The following CNTNAP4 variants were observed in gnomAD, a reference collection of about 807,000 sequenced individuals.
CNTNAP4 encodes contactin-associated protein-like 4.
Under a neutral mutation model 148.4 loss-of-function variants are expected in CNTNAP4, and 98 were observed. The observed-to-expected ratio is 0.66, with a 90% CI of 0.56 to 0.78. CNTNAP4 has a LOEUF of 0.78. CNTNAP4 is among the 30% of genes least tolerant of loss of function. CNTNAP4 has a pLI of 0.00. For synonymous variants in CNTNAP4, 730 were observed against 565.1 expected, an observed-to-expected ratio of 1.29 and a Z score of -4.14; for missense variants, 1,935 against 1,565.6, an observed-to-expected ratio of 1.24 and a Z score of -3.98.
At chr16:76,457,707 C>A (rs2080787398) in intron 8 of CNTNAP4, among the ~76,000 whole-genome samples, 1 of 152,122 alleles carries the variant, frequency 6.6e-6, no homozygotes, top group Non-Finnish European at 1.5e-5. Flanking sequence ...AGATTAAACT[C>A]CTAGAAACTG....
chr16:76,340,253 T>G (rs941917714), intron 2 of CNTNAP4, among the ~76,000 whole-genome samples: 1 of 152,104 alleles, frequency 6.6e-6, no homozygotes, highest in Non-Finnish European at 1.5e-5. Context: ...AGCAGGAACA[T>G]AGCTGCCCAA....
chr16:76,494,791 A>G, intron 13 of CNTNAP4, 119 bp from the exon 14 acceptor site: 3 of 1,099,048 alleles, frequency 2.7e-6, no homozygotes, highest in Non-Finnish European at 3.9e-6. Context: ...AAATCCAATC[A>G]ATCTTTCTCC....
chr16:76,417,960 T>C (rs114623435), intron 3 of CNTNAP4, among the ~76,000 whole-genome samples: 3,953 of 151,886 alleles, frequency 0.026, 77 homozygotes, highest in Non-Finnish European at 0.036. Context: ...AAAAGTCCAA[T>C]GTAAGTTTTA....
chr16:76,291,724 TAAATA>T (rs1242561928), intron 1 of CNTNAP4, among the ~76,000 whole-genome samples: 1 of 152,178 alleles, frequency 6.6e-6, no homozygotes, highest in African/African-American at 2.4e-5. Context: ...AAATAAAACA[TAAATA>T]AAGCAAACAA....
At chr16:76,510,797 C>A (rs1170838481) in intron 15 of CNTNAP4, among the ~76,000 whole-genome samples, 3 of 152,134 alleles carry the variant, frequency 2.0e-5, no homozygotes, top group Non-Finnish European at 2.9e-5. Context: ...TGCCTTAACA[C>A]TTCAGAAGTA....
chr16:76,366,008 T>C (rs576659915), intron 3 of CNTNAP4, among the ~76,000 whole-genome samples: 18 of 152,192 alleles, frequency 1.2e-4, no homozygotes, highest in Non-Finnish European at 2.4e-4. Flanking sequence ...ATTCTGAAGC[T>C]ACTCTTGTTG....
intron 3 of CNTNAP4, among the ~76,000 whole-genome samples, chr16:76,367,100 A>G (rs1194625730): frequency 1.3e-5 from 2 of 151,946 alleles, no homozygotes. Context: ...AAAATATGGT[A>G]TAAGAACACA....
rs149725945 is a variant in CNTNAP4, at chr16:76,327,992, C to T, written c.196+11469C>T. ...TCAATGTGAGTGATCAAACTTTTGCCTCAAAGTCATGCTTCTCATCACCCA... is the reference window on the plus strand; with the variant it reads ...TCAATGTGAGTGATCAAACTTTTGCTTCAAAGTCATGCTTCTCATCACCCA... On this transcript the variant is annotated intron_variant, in intron 2 of 23. Coordinates refer to ENST00000611870, the MANE Select transcript of CNTNAP4 (RefSeq NM_033401.5). 4.5e-3 allele frequency among the ~76,000 whole-genome samples: 691 copies of T among 152,252 alleles called. 3 individuals are homozygous for T. Among genetic ancestry groups the T allele is most frequent in the African/African-American group, 0.016 (667 of 41,534 alleles).
At chr16:76,521,070 GT>G in intron 15 of CNTNAP4, 69 bp from the exon 16 acceptor site, 4 of 1,358,318 alleles carry the variant, frequency 2.9e-6, no homozygotes, top group Non-Finnish European at 3.1e-6. Context: ...ACATGTAATT[GT>G]CATTCATTTT....
chr16:76,484,119 G>A (rs576264731), intron 12 of CNTNAP4, among the ~76,000 whole-genome samples: 21 of 150,762 alleles, frequency 1.4e-4, no homozygotes, highest in African/African-American at 5.1e-4. Flanking sequence ...AATTATTTGG[G>A]GAAAAAATTG....
At chr16:76,451,735 G>A (rs2080489381) in intron 7 of CNTNAP4, among the ~76,000 whole-genome samples, 2 of 151,606 alleles carry the variant, frequency 1.3e-5, no homozygotes, top group African/African-American at 4.8e-5. Context: ...CTATCCAAAT[G>A]ATGCATAAGA....
rs553819016 is a variant in CNTNAP4 at position 76,507,001 on chromosome 16, G to A, written c.2365+8307G>A. Among the ~76,000 whole-genome samples the A allele has an allele frequency of 6.5e-3, 636 of 97,260 alleles. 105 individuals carry two copies. Among genetic ancestry groups the A allele is most frequent in the African/African-American group, 0.015 (601 of 39,002 alleles). The allele number at this position is 97,260 out of a possible 152,430, so 63.8% of individuals were successfully genotyped here. ...ACATAATAGTAATAAAAAATGGACT[G>A]GAGATAGTATTTTGTATACCTTTGC... On this transcript the variant is annotated intron_variant, in intron 15 of 23. Coordinates refer to ENST00000611870, the MANE Select transcript of CNTNAP4 (RefSeq NM_033401.5).
At chr16:76,501,153 C>T (rs1290610830) in intron 15 of CNTNAP4, among the ~76,000 whole-genome samples, 2 of 152,212 alleles carry the variant, frequency 1.3e-5, no homozygotes, top group Admixed American at 6.5e-5. Flanking sequence ...ACTTCCTGTT[C>T]TACCAGTGAG....
At chr16:76,554,665 T>C (rs1044565483) in intron 23 of CNTNAP4, among the ~76,000 whole-genome samples, 11 of 152,084 alleles carry the variant, frequency 7.2e-5, no homozygotes, top group African/African-American at 2.7e-4. Context: ...CTTTACACTC[T>C]GAATATGATA....
chr16:76,365,526 G>A (rs986503260), intron 3 of CNTNAP4, among the ~76,000 whole-genome samples: 1 of 152,114 alleles, frequency 6.6e-6, no homozygotes, highest in African/African-American at 2.4e-5. Context: ...CAAGGCGGGT[G>A]GATCACGTGA....
chr16:76,355,492 G>T lies in CNTNAP4; in HGVS notation c.371G>T (p.Arg124Leu), dbSNP rs560912690. ...AGTGGCTGGAACTGGAAACAATATC[G>T]CCAAGAGGACAGCATCTGGGTATGT... ...SDSGWNWKQY[R>L]QEDSIWGFSG... The change falls in exon 3 of 24, where the codon CGC (arginine) becomes CTC (leucine). Residue 124 changes from arginine (R) to leucine (L), a missense_variant. Transcript: ENST00000611870. 55 of 1,607,924 alleles carry T rather than the reference G, an allele frequency of 3.4e-5. No individual in the cohort carries two copies. The highest frequency in any genetic ancestry group is 4.5e-5 in the Non-Finnish European group (53 of 1,177,236).
intron 15 of CNTNAP4, among the ~76,000 whole-genome samples, chr16:76,500,890 C>G (rs2082611819): frequency 6.6e-6 from 1 of 151,954 alleles, no homozygotes; most frequent in Admixed American, 6.6e-5. Flanking sequence ...AATATGTATG[C>G]TTTTAGTACT....
At chr16:76,281,038 G>C (rs1958667047) in intron 1 of CNTNAP4, among the ~76,000 whole-genome samples, 1 of 152,052 alleles carries the variant, frequency 6.6e-6, no homozygotes, top group Non-Finnish European at 1.5e-5. Context: ...ACATCTCACT[G>C]TGTTCTTTCT....
chr16:76,549,490 C>G lies in CNTNAP4; in HGVS notation c.3443-3793C>G, dbSNP rs7199176. 4.7e-3 allele frequency among the ~76,000 whole-genome samples: 718 copies of G among 152,196 alleles called. 6 individuals are homozygous for G. The highest frequency in any genetic ancestry group is 0.017 in the African/African-American group (697 of 41,530). The stretch of plus-strand genomic sequence containing the variant: ...ATTAAAAAGTAAACTAACAAACCAA[C>G]TCCAGACTTAAAACCATTCAACATC... On this transcript the variant is annotated intron_variant, in intron 21 of 23. Coordinates refer to ENST00000611870, the MANE Select transcript of CNTNAP4 (RefSeq NM_033401.5).
Sources: gnomAD v4.1 joint callset for allele counts (sites outside exome capture counted in the v4.1 genomes callset) on GRCh38, gnomAD v4.1.1 for gene constraint, MANE v1.5 for transcripts, NCBI Gene and HGNC (gene_info 2026-07-23, HGNC 2026-07-21) for gene names.